SHQ1: variants seen among roughly 807,000 people sequenced by gnomAD.
The protein encoded by SHQ1 is SHQ1, H/ACA ribonucleoprotein assembly factor, also known as protein SHQ1 homolog.
In SHQ1, 49 loss-of-function variants were observed where a neutral mutation model predicts 53.8. The observed-to-expected ratio is 0.91, with a 90% CI of 0.72 to 1.16. The LOEUF (loss-of-function observed/expected upper bound fraction) is 1.16. SHQ1 is among the 50% of genes most tolerant of loss of function. The probability of loss-of-function intolerance (pLI) is 0.00; values close to 1 mark genes in which losing one functional copy is unlikely to be tolerated. For missense variants in SHQ1, 738 were observed against 683.1 expected, an observed-to-expected ratio of 1.08 and a Z score of -0.90; for synonymous variants, 243 against 251.0, an observed-to-expected ratio of 0.97 and a Z score of 0.30.
At chr3:72,816,228 T>G (rs1023227215) in intron 7 of SHQ1, among the ~76,000 whole-genome samples, 2 of 152,094 alleles carry the variant, frequency 1.3e-5, no homozygotes, top group Non-Finnish European at 2.9e-5. Flanking sequence ...AAAAGCAGGT[T>G]AAATAGTATA....
At position 72,751,682 on chromosome 3, in the gene SHQ1, T is replaced by C. The variant is rs147888521; in HGVS notation, c.1182-846A>G. On this transcript the variant is annotated intron_variant, in intron 10 of 10. Coordinates refer to ENST00000325599, the MANE Select transcript of SHQ1 (RefSeq NM_018130.3). ...CTCTTAAATATATTAGATGTTCAAC[T>C]CCAGTCAAATAAGAGACATACAAAT... Among the ~76,000 whole-genome samples the C allele has an allele frequency of 4.7e-3, 707 of 151,844 alleles. 2 individuals carry two copies. Among genetic ancestry groups the C allele is most frequent in the African/African-American group, 0.015 (618 of 41,336 alleles).
chr3:72,786,267 C>T (rs559210573), intron 10 of SHQ1, among the ~76,000 whole-genome samples: 16 of 152,330 alleles, frequency 1.1e-4, no homozygotes, highest in African/African-American at 3.8e-4. Context: ...CACCACAATT[C>T]ATTCCCCACA....
At chr3:72,828,288 T>C (rs777958188) in intron 5 of SHQ1, among the ~76,000 whole-genome samples, 2 of 152,158 alleles carry the variant, frequency 1.3e-5, no homozygotes, top group African/African-American at 4.8e-5. Context: ...ACAGGGCAAG[T>C]GCATGGAAGA....
chr3:72,817,464 A>T (rs1707353465), intron 6 of SHQ1, 80 bp from the exon 7 acceptor site: 1 of 1,321,656 alleles, frequency 7.6e-7, no homozygotes. Flanking sequence ...CAAAATTAGA[A>T]CTTTGATTAT....
intron 10 of SHQ1, among the ~76,000 whole-genome samples, chr3:72,791,106 G>C (rs1188116955): frequency 6.6e-6 from 1 of 152,004 alleles, no homozygotes. Flanking sequence ...ATCACAAAGA[G>C]AGAAACAGGC....
chr3:72,810,876 G>A (rs1016313617), intron 9 of SHQ1, among the ~76,000 whole-genome samples: 1 of 152,122 alleles, frequency 6.6e-6, no homozygotes, highest in Admixed American at 6.5e-5. Context: ...ACTGTACATG[G>A]TACATAGAGG....
In SHQ1 at chr3:72,815,423, A is replaced by G; in HGVS notation, c.883-20T>C. 1 of 1,601,584 alleles carries G rather than the reference A, an allele frequency of 6.2e-7. No individual in the cohort carries two copies. The highest frequency in any genetic ancestry group is 1.1e-5 in the South Asian group (1 of 90,832). On this transcript the variant is annotated intron_variant, in intron 7 of 10. Coordinates refer to ENST00000325599, the MANE Select transcript of SHQ1 (RefSeq NM_018130.3). ...TTCAACCTTTATTTGTTTTGGAGAA[A>G]AGAATACCATCACATTAGAGGTGAA... is the stretch of plus-strand genomic sequence containing the variant.
intron 5 of SHQ1, among the ~76,000 whole-genome samples, chr3:72,831,457 T>C (rs1707816666): frequency 6.6e-6 from 1 of 152,226 alleles, no homozygotes; most frequent in African/African-American, 2.4e-5. Context: ...AGCAAGTCCC[T>C]TAAACTCCTC....
At chr3:72,787,548 A>G (rs1030650516) in intron 10 of SHQ1, among the ~76,000 whole-genome samples, 2 of 152,248 alleles carry the variant, frequency 1.3e-5, no homozygotes, top group African/African-American at 4.8e-5. Context: ...TACTCTTTTT[A>G]TAATGAGGAA....
At chr3:72,747,194 C>G (rs1354696863), downstream of SHQ1, among the ~76,000 whole-genome samples, 1 of 152,204 alleles carries the variant, frequency 6.6e-6, no homozygotes, top group African/African-American at 2.4e-5. Context: ...TTTGTTCATT[C>G]ATTCAACAAA....
intron 3 of SHQ1, among the ~76,000 whole-genome samples, chr3:72,841,779 C>A (rs1308519404): frequency 6.6e-6 from 1 of 152,166 alleles, no homozygotes; most frequent in Non-Finnish European, 1.5e-5. Flanking sequence ...GCTTTAGATT[C>A]TCATAGGGAG....
intron 9 of SHQ1, among the ~76,000 whole-genome samples, chr3:72,804,272 A>T (rs1458005653): frequency 6.6e-6 from 1 of 151,980 alleles, no homozygotes; most frequent in East Asian, 1.9e-4. Context: ...TTATATTATA[A>T]ACACTTATAT....
chr3:72,847,863 G>T lies in SHQ1; in HGVS notation c.143+335C>A, dbSNP rs182760185. 5.5e-3 allele frequency among the ~76,000 whole-genome samples: 842 copies of T among 152,182 alleles called. 8 individuals carry two copies. Among genetic ancestry groups the T allele is most frequent in the African/African-American group, 0.018 (751 of 41,524 alleles). ...AGGGAGAGACTGGGAGAGCAAACGC[G>T]GAGTGAAAGGAAAGAACAGAACAAG... On this transcript the variant is annotated intron_variant, in intron 1 of 10. Transcript: ENST00000325599.
chr3:72,779,643 T>C (rs1423934972), intron 10 of SHQ1, among the ~76,000 whole-genome samples: 1 of 152,198 alleles, frequency 6.6e-6, no homozygotes, highest in Non-Finnish European at 1.5e-5. Context: ...GTTGAATGAA[T>C]GGACTGATGA....
the SHQ1 span, among the ~76,000 whole-genome samples, chr3:72,727,807 G>C: frequency 6.6e-6 from 1 of 152,156 alleles, no homozygotes; most frequent in Non-Finnish European, 1.5e-5. Flanking sequence ...TGGGATGGGT[G>C]CTGTTGCCAT....
intron 6 of SHQ1, among the ~76,000 whole-genome samples, chr3:72,819,965 T>C (rs1249779041): frequency 6.6e-6 from 1 of 152,196 alleles, no homozygotes; most frequent in African/African-American, 2.4e-5. Flanking sequence ...AGTATTCCCT[T>C]AGGTATGGTT....
chr3:72,806,689 C>A (rs1200330403), intron 9 of SHQ1, among the ~76,000 whole-genome samples: 1 of 152,168 alleles, frequency 6.6e-6, no homozygotes, highest in Non-Finnish European at 1.5e-5. Context: ...ATTTTCATAG[C>A]AGAAACTACA....
chr3:72,796,059 C>G lies in SHQ1; in HGVS notation c.1061-3023G>C, dbSNP rs114222269. ...CAGAGGTTGCAGTGAGCCAAGATTGCGCCACTCACTCCAGTCTAGGTGACA... is the reference window on the plus strand; with the variant it reads ...CAGAGGTTGCAGTGAGCCAAGATTGGGCCACTCACTCCAGTCTAGGTGACA... On this transcript the variant is annotated intron_variant, in intron 9 of 10. Coordinates refer to ENST00000325599, the MANE Select transcript of SHQ1 (RefSeq NM_018130.3). 4.5e-3 allele frequency among the ~76,000 whole-genome samples: 643 copies of G among 141,826 alleles called. 4 individuals are homozygous for G. The highest frequency in any genetic ancestry group is 0.016 in the African/African-American group (587 of 37,440). 93.0% of individuals were successfully genotyped at this position (141,826 alleles called of 152,430 possible).
At chr3:72,735,905 C>G in the SHQ1 span, among the ~76,000 whole-genome samples, 1 of 151,828 alleles carries the variant, frequency 6.6e-6, no homozygotes, top group African/African-American at 2.4e-5. Flanking sequence ...CTCTCTCTCT[C>G]TCTTCCTCCC....
Sources: gnomAD v4.1 joint callset for allele counts (sites outside exome capture counted in the v4.1 genomes callset) on GRCh38, gnomAD v4.1.1 for gene constraint, MANE v1.5 for transcripts, NCBI Gene and HGNC (gene_info 2026-07-23, HGNC 2026-07-21) for gene names.